The following ABLIM1 variants were observed in gnomAD, a reference collection of about 807,000 sequenced individuals.
ABLIM1 encodes actin-binding LIM protein 1.
ABLIM1 carries 40 observed loss-of-function variants against 107.0 expected under a neutral mutation model. That is an observed-to-expected ratio of 0.37 (90% CI 0.29 to 0.49). The LOEUF (loss-of-function observed/expected upper bound fraction) is 0.49. ABLIM1 is among the 20% of genes least tolerant of loss of function. The pLI is 0.97. For synonymous variants in ABLIM1, 357 were observed against 357.3 expected, an observed-to-expected ratio of 1.00 and a Z score of 0.01; for missense variants, 857 against 1,008.5, an observed-to-expected ratio of 0.85 and a Z score of 2.04.
In ABLIM1 at chr10:114,739,604, A is replaced by T. The variant is rs142762670; in HGVS notation, c.-213+28457T>A. ...ACTTAATATCATCCAGTATTTTTTT[A>T]AAAAAATTTCCCATCATATATGCAT... On this transcript the variant is annotated intron_variant, in intron 1 of 15. Coordinates refer to the ABLIM1 transcript ENST00000651092. 6.5e-3 allele frequency among the ~76,000 whole-genome samples: 995 copies of T among 152,210 alleles called. 10 individuals are homozygous for T. The highest frequency in any genetic ancestry group is 0.021 in the African/African-American group (883 of 41,526).
At chr10:114,604,353 C>T (rs767035807) in intron 1 of ABLIM1, among the ~76,000 whole-genome samples, 3 of 152,124 alleles carry the variant, frequency 2.0e-5, no homozygotes, top group Admixed American at 6.5e-5. Context: ...TATCATTATG[C>T]CTCTAATTTA....
rs745982928 is a variant in ABLIM1 at position 114,439,194 on chromosome 10, G to A, written c.2124C>T (p.Pro708=). 1 of 1,614,214 alleles carries A rather than the reference G, an allele frequency of 6.2e-7. No individual in the cohort carries two copies. The highest frequency in any genetic ancestry group is 1.1e-5 in the South Asian group (1 of 91,082). ...CACTTGCCTTTGGTTCCAACATGTTGGGCATAGACACTCCTCGGTCCATTC... is the reference window on the plus strand; with the variant it reads ...CACTTGCCTTTGGTTCCAACATGTTAGGCATAGACACTCCTCGGTCCATTC... ...AMRMDRGVSM[P]NMLEPKIFPY... The change falls in exon 21 of 23, where the codon CCC becomes CCT. Residue 708 remains proline, a synonymous_variant. Coordinates refer to ENST00000533213, the MANE Select transcript of ABLIM1 (RefSeq NM_002313.7).
Position 114,657,939 on chromosome 10 carries a change from GA to G in ABLIM1, c.244+17del. 6.3e-7 allele frequency: 1 copy of G among 1,591,110 alleles called. No homozygotes were observed. The highest frequency in any genetic ancestry group is 8.6e-7 in the Non-Finnish European group (1 of 1,161,544). The stretch of plus-strand genomic sequence containing the variant: ...CACAAAACACAAAACCATGTCCAGA[GA>G]GGGTTATTTTACTTACCAAAAGGAT... On this transcript the variant is annotated intron_variant, in intron 1 of 22. Coordinates refer to ENST00000533213, the MANE Select transcript of ABLIM1 (RefSeq NM_002313.7).
chr10:114,707,028 T>A lies in ABLIM1; in HGVS notation c.-213+61033A>T, dbSNP rs1454534315. On this transcript the variant is annotated intron_variant, in intron 1 of 15. Transcript: ENST00000651092. The surrounding 1 kb of genome is among the most constrained non-coding windows in gnomAD (Gnocchi z 4.1). ...GAATGTGATATACAAATAATGTAAT[T>A]TAAATTTGTCTAGTAACTACATTAG... Among the ~76,000 whole-genome samples, 1 of 152,160 alleles carries A rather than the reference T, an allele frequency of 6.6e-6. No homozygotes were observed. Among genetic ancestry groups the A allele is most frequent in the Non-Finnish European group, 1.5e-5 (1 of 68,034 alleles).
At chr10:114,437,321 CTTT>C (rs1314987276) in intron 22 of ABLIM1, among the ~76,000 whole-genome samples, 7 of 134,566 alleles carry the variant, frequency 5.2e-5, no homozygotes, top group Admixed American at 3.0e-4. Flanking sequence ...TTCTTTCTTT[CTTT>C]TTTTTTTTTT....
At chr10:114,460,908 G>A (rs1565361165) in intron 12 of ABLIM1, among the ~76,000 whole-genome samples, 1 of 152,216 alleles carries the variant, frequency 6.6e-6, no homozygotes, top group Non-Finnish European at 1.5e-5. Flanking sequence ...TGGACAAACT[G>A]TGTAACTTTA....
intron 4 of ABLIM1, among the ~76,000 whole-genome samples, chr10:114,569,446 A>T (rs1346761403): frequency 6.6e-6 from 1 of 151,706 alleles, no homozygotes; most frequent in African/African-American, 2.4e-5. Context: ...TAGCCTCCCG[A>T]GTAGCTGGGA....
chr10:114,646,545 T>C (rs866156787), intron 1 of ABLIM1, among the ~76,000 whole-genome samples: 5 of 152,086 alleles, frequency 3.3e-5, no homozygotes, highest in African/African-American at 2.4e-5. Flanking sequence ...CACAAGGACC[T>C]AAATAACTCT....
intron 1 of ABLIM1, among the ~76,000 whole-genome samples, chr10:114,762,274 C>T (rs1053872169): frequency 6.6e-6 from 1 of 152,054 alleles, no homozygotes; most frequent in East Asian, 1.9e-4. Flanking sequence ...ACCTTGTGAT[C>T]CACCTGCCTC....
Position 114,690,355 on chromosome 10 carries a change from C to T in ABLIM1, c.-213+77706G>A. 5 of 1,605,138 alleles carry T rather than the reference C, an allele frequency of 3.1e-6. No homozygotes were observed. The South Asian group carries it at 3.3e-5, about 11-fold the overall frequency. On this transcript the variant is annotated intron_variant, in intron 1 of 15. Transcript: ENST00000651092. ...CCAGCATTTGCCATGGACAAGATGC[C>T]AGGACCTGTATGCTTTAGGATGAAG...
intron 2 of ABLIM1, among the ~76,000 whole-genome samples, chr10:114,587,290 G>A (rs991026702): frequency 6.6e-6 from 1 of 152,176 alleles, no homozygotes; most frequent in Non-Finnish European, 1.5e-5. Context: ...GATTAAAGAA[G>A]CTATCAAAAG....
intron 12 of ABLIM1, among the ~76,000 whole-genome samples, chr10:114,460,566 A>G (rs1358792066): frequency 6.6e-6 from 1 of 152,236 alleles, no homozygotes; most frequent in Admixed American, 6.5e-5. Context: ...GTGCCACTGC[A>G]TGCCAGCCTG....
the ABLIM1 span, among the ~76,000 whole-genome samples, chr10:114,773,780 G>A: frequency 6.6e-6 from 1 of 152,012 alleles, no homozygotes; most frequent in Non-Finnish European, 1.5e-5. Flanking sequence ...TTTCAAAAAT[G>A]AGGGCAAGAT....
At chr10:114,674,971 A>G (rs2080416510) in intron 1 of ABLIM1, among the ~76,000 whole-genome samples, 1 of 152,092 alleles carries the variant, frequency 6.6e-6, no homozygotes, top group Non-Finnish European at 1.5e-5. Flanking sequence ...CTCTTGCTAT[A>G]TGAGCACACG....
chr10:114,705,686 T>C lies in ABLIM1; in HGVS notation c.-213+62375A>G, dbSNP rs116770489. On this transcript the variant is annotated intron_variant, in intron 1 of 15. Coordinates refer to the ABLIM1 transcript ENST00000651092. ...GATAGGCACAAAAACTAAAGCAGTC[T>C]CTCTAAAATTCAGTGCAATGCCAAA... Among the ~76,000 whole-genome samples the C allele has an allele frequency of 3.7e-3, 557 of 152,280 alleles. 7 individuals carry two copies. Among genetic ancestry groups the C allele is most frequent in the African/African-American group, 0.012 (504 of 41,536 alleles).
chr10:114,515,718 T>G (rs2062702709), intron 6 of ABLIM1, among the ~76,000 whole-genome samples: 1 of 152,158 alleles, frequency 6.6e-6, no homozygotes, highest in African/African-American at 2.4e-5. Flanking sequence ...CATACTGGAA[T>G]AGGTTGGGCT....
intron 1 of ABLIM1, among the ~76,000 whole-genome samples, chr10:114,732,180 C>CTTTTTTTTTTTTTTTTT (rs113276247): frequency 1.8e-5 from 2 of 109,876 alleles, no homozygotes; most frequent in Non-Finnish European, 3.8e-5. Flanking sequence ...CTTTTCTTTT[C>CTTTTTTTTTTTTTTTTT]TTTTTTTTTT....
chr10:114,579,910 T>C (rs1481013797), intron 2 of ABLIM1, among the ~76,000 whole-genome samples: 1 of 152,236 alleles, frequency 6.6e-6, no homozygotes, highest in Non-Finnish European at 1.5e-5. Context: ...AGGCATGTTC[T>C]TTAAATGTCA....
At chr10:114,705,951 T>G (rs1390840630) in intron 1 of ABLIM1, among the ~76,000 whole-genome samples, 1 of 152,180 alleles carries the variant, frequency 6.6e-6, no homozygotes, top group Non-Finnish European at 1.5e-5. Flanking sequence ...AGGCAACAGA[T>G]CAGGTTTATC....
Sources: gnomAD v4.1 joint callset for allele counts (sites outside exome capture counted in the v4.1 genomes callset) on GRCh38, gnomAD v4.1.1 for gene constraint, Gnocchi (gnomAD v3.1) non-coding constraint, MANE v1.5 for transcripts, NCBI Gene and HGNC (gene_info 2026-07-23, HGNC 2026-07-21) for gene names.